AKAP6: variants seen among roughly 807,000 people sequenced by gnomAD.
AKAP6 encodes the protein A-kinase anchoring protein 6, also known as A-kinase anchor protein 6.
Under a neutral mutation model 188.5 loss-of-function variants are expected in AKAP6, and 58 were observed. That is an observed-to-expected ratio of 0.31 (90% CI 0.25 to 0.38). The LOEUF (loss-of-function observed/expected upper bound fraction) is 0.38, where lower values mean the gene tolerates loss of function less well. Ranked by LOEUF, AKAP6 falls within the 10% of genes least tolerant of loss-of-function variation. The pLI, the probability that AKAP6 is intolerant of heterozygous loss-of-function variation, is 1.00. For missense variants in AKAP6, 2,710 were observed against 2,740.0 expected, an observed-to-expected ratio of 0.99 and a Z score of 0.24; for synonymous variants, 989 against 998.6, an observed-to-expected ratio of 0.99 and a Z score of 0.18.
At chr14:32,651,436 A>G (rs1230114578) in intron 7 of AKAP6, among the ~76,000 whole-genome samples, 1 of 152,162 alleles carries the variant, frequency 6.6e-6, no homozygotes, top group Non-Finnish European at 1.5e-5. Flanking sequence ...TTGTTTTACT[A>G]TAATAATATA....
chr14:32,395,365 C>T (rs1472140555), intron 1 of AKAP6, among the ~76,000 whole-genome samples: 1 of 152,076 alleles, frequency 6.6e-6, no homozygotes, highest in African/African-American at 2.4e-5. Flanking sequence ...CAGGTAGATA[C>T]AGCCCTTGAG....
chr14:32,391,778 A>G (rs1156372754), intron 1 of AKAP6, among the ~76,000 whole-genome samples: 6 of 152,194 alleles, frequency 3.9e-5, no homozygotes, highest in Non-Finnish European at 7.3e-5. Context: ...GATGCTCCCC[A>G]GAAGCAGAAG....
At chr14:32,501,292 A>C (rs1880598588) in intron 2 of AKAP6, among the ~76,000 whole-genome samples, 2 of 152,204 alleles carry the variant, frequency 1.3e-5, no homozygotes, top group Admixed American at 1.3e-4. Flanking sequence ...CTTAGAATAC[A>C]TCTCAATTTG....
chr14:32,471,903 A>G (rs1184684315), intron 2 of AKAP6, among the ~76,000 whole-genome samples: 1 of 152,226 alleles, frequency 6.6e-6, no homozygotes, highest in Non-Finnish European at 1.5e-5. Flanking sequence ...GTGCTGGCAC[A>G]ATTGTGAGTA....
At chr14:32,588,496 C>T (rs1885346493) in intron 5 of AKAP6, among the ~76,000 whole-genome samples, 1 of 152,212 alleles carries the variant, frequency 6.6e-6, no homozygotes, top group African/African-American at 2.4e-5. Context: ...ACTTCAGGGA[C>T]AGCTTTTTCT....
chr14:32,781,857 C>A (rs934176049), intron 12 of AKAP6, among the ~76,000 whole-genome samples: 2 of 152,024 alleles, frequency 1.3e-5, no homozygotes. Context: ...CTGATAAAAA[C>A]TCTCAGAAAC....
intron 4 of AKAP6, among the ~76,000 whole-genome samples, chr14:32,562,041 A>C (rs1236068501): frequency 6.6e-6 from 1 of 152,166 alleles, no homozygotes; most frequent in African/African-American, 2.4e-5. Context: ...TTGCATGGTG[A>C]TTAAGCAACT....
chr14:32,615,681 C>T (rs7142867), intron 7 of AKAP6, among the ~76,000 whole-genome samples: 30,762 of 148,890 alleles, frequency 0.21, 3,365 homozygotes, highest in Admixed American at 0.28. Context: ...CTGCAAGCTC[C>T]GCCTCTCAGG....
At chr14:32,646,487 C>T (rs1490545675) in intron 7 of AKAP6, among the ~76,000 whole-genome samples, 1 of 152,078 alleles carries the variant, frequency 6.6e-6, no homozygotes, top group Non-Finnish European at 1.5e-5. Flanking sequence ...AGCGTTATAT[C>T]AGAAAATTCA....
intron 2 of AKAP6, among the ~76,000 whole-genome samples, chr14:32,496,053 T>C (rs74041627): frequency 0.031 from 4,749 of 152,324 alleles, 285 homozygotes; most frequent in African/African-American, 0.11. Flanking sequence ...GTATAATAAG[T>C]ATGTGAATGC....
intron 5 of AKAP6, among the ~76,000 whole-genome samples, chr14:32,581,266 A>G (rs966133950): frequency 2.0e-5 from 3 of 152,210 alleles, no homozygotes; most frequent in African/African-American, 7.2e-5. Flanking sequence ...GTAGTTATTC[A>G]GGAGCAGGTT....
chr14:32,478,891 C>G (rs545297379), intron 2 of AKAP6, among the ~76,000 whole-genome samples: 2 of 152,070 alleles, frequency 1.3e-5, no homozygotes, highest in Admixed American at 6.6e-5. Flanking sequence ...CTGTGTCCCC[C>G]CTTTGACTCA....
rs1163647173 is a variant in AKAP6, at chr14:32,837,241, TA to T, written c.*7441del. 6.6e-6 allele frequency: 1 copy of T among 152,224 alleles called. No homozygotes were observed. Among genetic ancestry groups the T allele is most frequent in the Admixed American group, 6.5e-5 (1 of 15,280 alleles). 9.4% of individuals were successfully genotyped at this position (152,224 alleles called of 1,614,324 possible). A position where few individuals can be genotyped will look rare whatever the true frequency, so the allele number is the denominator to read the frequency against. On this transcript the variant is annotated 3_prime_UTR_variant, in exon 14 of 14. Coordinates refer to ENST00000280979, the MANE Select transcript of AKAP6 (RefSeq NM_004274.5). Reference sequence around the variant, plus strand: ...ATTTTATTAATTTAACACAAATGCATAAAAATATGATGTAATAAGAAACAAT... The same window carrying T: ...ATTTTATTAATTTAACACAAATGCATAAAATATGATGTAATAAGAAACAAT...
chr14:32,422,244 G>A (rs1187515609), intron 1 of AKAP6, among the ~76,000 whole-genome samples: 1 of 152,198 alleles, frequency 6.6e-6, no homozygotes, highest in Admixed American at 6.5e-5. Flanking sequence ...TCTGATGCCA[G>A]TTGCAAATTT....
chr14:32,397,308 C>A (rs1888911497), intron 1 of AKAP6, among the ~76,000 whole-genome samples: 1 of 152,038 alleles, frequency 6.6e-6, no homozygotes, highest in Non-Finnish European at 1.5e-5. Context: ...AGCCATTGGG[C>A]CCCTCAAAGC....
At chr14:32,397,282 A>G (rs1888909903) in intron 1 of AKAP6, among the ~76,000 whole-genome samples, 1 of 152,082 alleles carries the variant, frequency 6.6e-6, no homozygotes, top group South Asian at 2.1e-4. Flanking sequence ...AGTGAGCTCT[A>G]GCTATTCATT....
intron 4 of AKAP6, among the ~76,000 whole-genome samples, chr14:32,555,137 T>C (rs1883634063): frequency 6.6e-6 from 1 of 152,244 alleles, no homozygotes; most frequent in Non-Finnish European, 1.5e-5. Context: ...CTTGGACTCA[T>C]GGCAGCAAAT....
chr14:32,437,690 A>G (rs957835683), intron 2 of AKAP6, among the ~76,000 whole-genome samples: 3 of 151,990 alleles, frequency 2.0e-5, no homozygotes, highest in Non-Finnish European at 2.9e-5. Flanking sequence ...TTTGACCCTC[A>G]GGCTCAAGAG....
intron 8 of AKAP6, among the ~76,000 whole-genome samples, chr14:32,683,157 C>G (rs1889765521): frequency 6.6e-6 from 1 of 151,942 alleles, no homozygotes; most frequent in Non-Finnish European, 1.5e-5. Context: ...CCATGCCTGG[C>G]TAATTTTTGT....
Sources: gnomAD v4.1 joint callset for allele counts (sites outside exome capture counted in the v4.1 genomes callset) on GRCh38, gnomAD v4.1.1 for gene constraint, MANE v1.5 for transcripts, NCBI Gene and HGNC (gene_info 2026-07-23, HGNC 2026-07-21) for gene names.